Variants in CTSC observed in about 807,000 individuals in gnomAD.
The protein encoded by CTSC is cathepsin C, also known as dipeptidyl peptidase 1.
Under a neutral mutation model 40.9 loss-of-function variants are expected in CTSC, and 37 were observed. That is an observed-to-expected ratio of 0.91 (90% confidence interval 0.70 to 1.19). The LOEUF (loss-of-function observed/expected upper bound fraction) is 1.19. Ranked by LOEUF, CTSC falls within the 50% of genes most tolerant of loss-of-function variation. The probability of loss-of-function intolerance (pLI) is 0.00; values close to 1 mark genes in which losing one functional copy is unlikely to be tolerated. For synonymous variants in CTSC, 232 were observed against 207.4 expected (o/e 1.12, Z -1.02); for missense variants, 594 against 567.3 (o/e 1.05, Z -0.48).
chr11:88,322,866 C>T (rs1448818408), intron 2 of CTSC: 1 of 152,222 alleles, frequency 6.6e-6, no homozygotes, highest in Non-Finnish European at 1.5e-5. Context: ...ACCCTTTCTT[C>T]TGAAACTATT....
At chr11:88,295,833 T>C (rs1461751090) in intron 6 of CTSC, among the ~76,000 whole-genome samples, 2 of 152,178 alleles carry the variant, frequency 1.3e-5, no homozygotes, top group African/African-American at 4.8e-5. Context: ...TTAGTTCCTG[T>C]TCCCCGCCCA....
chr11:88,337,172 C>T (rs1185446884), intron 1 of CTSC, among the ~76,000 whole-genome samples: 1 of 152,178 alleles, frequency 6.6e-6, no homozygotes, highest in Non-Finnish European at 1.5e-5. Flanking sequence ...AATAACGCTA[C>T]CAGATCGGAC....
intron 2 of CTSC, chr11:88,321,947 C>T (rs1293114517): frequency 1.3e-5 from 2 of 152,122 alleles, no homozygotes; most frequent in East Asian, 3.9e-4. Context: ...TTAATAATCA[C>T]CATTGTGACA....
At chr11:88,295,926 A>G (rs1167949050) in intron 6 of CTSC, among the ~76,000 whole-genome samples, 1 of 152,198 alleles carries the variant, frequency 6.6e-6, no homozygotes, top group African/African-American at 2.4e-5. Context: ...CACTCAATAT[A>G]TAGTAACTAT....
intron 2 of CTSC, among the ~76,000 whole-genome samples, chr11:88,317,906 T>G (rs1447128525): frequency 6.6e-6 from 1 of 152,240 alleles, no homozygotes; most frequent in Non-Finnish European, 1.5e-5. Context: ...CTATTATGAT[T>G]CAATAACTAT....
chr11:88,300,590 T>C lies in CTSC; in HGVS notation c.697A>G (p.Thr233Ala), dbSNP rs1281698420. The C allele has an allele frequency of 7.4e-6, 12 of 1,614,020 alleles. 1 individual carries two copies. Among genetic ancestry groups the C allele is most frequent in the South Asian group, 3.3e-5 (3 of 91,082 alleles). ...TGAACATTTCTCCAGTCCCAAGATG[T>C]TGGCAAATGCAAAATCTTTTGCTGT... ...EIQQKILHLP[T>A]SWDWRNVHGI... Residue 233 changes from threonine to alanine, a missense_variant, in exon 5 of 7, where the codon ACA (threonine) becomes GCA (alanine). Thr to Ala is a moderately conservative substitution (Grantham distance 58). Transcript: ENST00000227266.
At chr11:88,313,792 G>C (rs1384183475) in intron 2 of CTSC, among the ~76,000 whole-genome samples, 2 of 151,780 alleles carry the variant, frequency 1.3e-5, no homozygotes, top group African/African-American at 4.9e-5. Context: ...GTAAAATATG[G>C]AAAGTAGAAA....
At chr11:88,337,449 G>A in intron 1 of CTSC, 52 bp downstream of exon 1, 1 of 1,531,078 alleles carries the variant, frequency 6.5e-7, no homozygotes, top group Non-Finnish European at 8.9e-7. Flanking sequence ...GCTGCGTTAG[G>A]GGCTCAAGGG....
At chr11:88,323,703 C>G (rs987319211) in intron 2 of CTSC, 5 of 151,892 alleles carry the variant, frequency 3.3e-5, no homozygotes, top group Non-Finnish European at 7.4e-5. Context: ...TCTAGGAATA[C>G]AGAAGAAGTG....
At chr11:88,297,298 A>ACC (rs1245062609) in intron 5 of CTSC, 1 of 152,250 alleles carries the variant, frequency 6.6e-6, no homozygotes, top group East Asian at 1.9e-4. Flanking sequence ...ACGGAATGTC[A>ACC]AAGAACATTG....
At chr11:88,312,705 G>A in intron 2 of CTSC, 151 bp from the exon 3 acceptor site, 1 of 887,464 alleles carries the variant, frequency 1.1e-6, no homozygotes, top group African/African-American at 1.7e-5. Context: ...TCTAGAAAAA[G>A]AAGACATACA....
intron 2 of CTSC, chr11:88,328,246 A>T: frequency 7.8e-7 from 1 of 1,278,264 alleles, no homozygotes; most frequent in Non-Finnish European, 1.1e-6. Flanking sequence ...GAGATTAAGC[A>T]TCATCATGAA....
chr11:88,327,809 T>A (rs1336127884), intron 2 of CTSC: 1 of 372,088 alleles, frequency 2.7e-6, no homozygotes. Flanking sequence ...TGAGTCAACC[T>A]TTTTTTTAGC....
intron 2 of CTSC, chr11:88,326,086 T>C (rs1201976019): frequency 1.7e-6 from 2 of 1,196,124 alleles, no homozygotes; most frequent in East Asian, 3.6e-5. Flanking sequence ...AAGAACAACG[T>C]GTTGTATATT....
rs375838194 is a variant in CTSC at position 88,300,628 on chromosome 11, A to G, written c.659T>C (p.Leu220Pro). ...AATCTTTTGCTGTATTTCAGCAGTC[A>G]GTGGTGCAGGTTTGGGCCTAGAAAG... ...RKIPRPKPAP[L>P]TAEIQQKILH... The change falls in exon 5 of 7, where the codon CTG (leucine) becomes CCG (proline). Residue 220 changes from leucine (L) to proline (P), a missense_variant. Transcript: ENST00000227266. 1.2e-6 allele frequency: 2 copies of G among 1,612,112 alleles called. No individual in the cohort carries two copies. The highest frequency in any genetic ancestry group is 1.7e-6 in the Non-Finnish European group (2 of 1,178,142).
At chr11:88,320,604 C>T (rs549224475) in intron 2 of CTSC, among the ~76,000 whole-genome samples, 11 of 152,304 alleles carry the variant, frequency 7.2e-5, no homozygotes, top group African/African-American at 2.6e-4. Context: ...AAAGTTAGAA[C>T]ATCACTGTTT....
chr11:88,329,390 G>A (rs1938281125), intron 2 of CTSC, among the ~76,000 whole-genome samples: 1 of 140,624 alleles, frequency 7.1e-6, no homozygotes, highest in South Asian at 2.2e-4. Context: ...GCTGAGGAAG[G>A]ACAATCTCTT....
At chr11:88,328,720 C>T (rs1056545173) in intron 2 of CTSC, among the ~76,000 whole-genome samples, 23 of 152,074 alleles carry the variant, frequency 1.5e-4, no homozygotes, top group African/African-American at 3.9e-4. Flanking sequence ...CTCCACCTCC[C>T]GGGTTCAAGC....
intron 5 of CTSC, 53 bp from the exon 6 acceptor site, chr11:88,296,317 G>A: frequency 6.2e-7 from 1 of 1,608,810 alleles, no homozygotes; most frequent in Non-Finnish European, 8.5e-7. Flanking sequence ...GCCTCACAGA[G>A]AATCATGCAA....
Sources: gnomAD v4.1 joint callset for allele counts (sites outside exome capture counted in the v4.1 genomes callset) on GRCh38, gnomAD v4.1.1 for gene constraint, MANE v1.5 for transcripts, NCBI Gene and HGNC (gene_info 2026-07-23, HGNC 2026-07-21) for gene names.